The following ACVR1C variants were observed in gnomAD, a reference collection of about 807,000 sequenced individuals.
ACVR1C encodes activin receptor type-1C.
Under a neutral mutation model 57.9 loss-of-function variants are expected in ACVR1C, and 23 were observed. The observed-to-expected ratio is 0.40, with a 90% confidence interval of 0.29 to 0.56. The LOEUF (loss-of-function observed/expected upper bound fraction) is 0.56, where lower values mean the gene tolerates loss of function less well. ACVR1C is among the 20% of genes least tolerant of loss of function. ACVR1C has a pLI of 0.50. For missense variants in ACVR1C, 480 were observed against 607.9 expected (o/e 0.79, Z 2.21); for synonymous variants, 214 against 215.3 (o/e 0.99, Z 0.05).
rs1359420944 is a variant in ACVR1C, at chr2:157,528,549, T to G, written c.*5369A>C. On this transcript the variant is annotated 3_prime_UTR_variant, in exon 9 of 9. Coordinates refer to ENST00000243349, the MANE Select transcript of ACVR1C (RefSeq NM_145259.3). ...TGTTAGGGGAATTTTAAAATAGGGA[T>G]TGTTACCTAATTTTGCTGTAGTATT... 1 of 152,134 alleles carries G rather than the reference T, an allele frequency of 6.6e-6. No homozygotes were observed. The highest frequency in any genetic ancestry group is 1.5e-5 in the Non-Finnish European group (1 of 68,010). 9.4% of individuals were successfully genotyped at this position (152,134 alleles called of 1,614,324 possible). A position where few individuals can be genotyped will look rare whatever the true frequency, so the allele number is the denominator to read the frequency against.
Position 157,528,129 on chromosome 2 carries a change from G to A in ACVR1C, c.*5789C>T, listed in dbSNP as rs1687273473. 1 of 152,068 alleles carries A rather than the reference G, an allele frequency of 6.6e-6. No homozygotes were observed. The highest frequency in any genetic ancestry group is 2.1e-4 in the South Asian group (1 of 4,824). 9.4% of individuals were successfully genotyped at this position (152,068 alleles called of 1,614,324 possible). ...CAGACCATTCTTTAAACACATATAA[G>A]CCAATAAGATGCTTCTCTGTAAAAT... On this transcript the variant is annotated 3_prime_UTR_variant, in exon 9 of 9. Transcript: ENST00000243349.
rs146121930 is a variant in ACVR1C at position 157,532,951 on chromosome 2, G to A, written c.*967C>T. ...TTATGTTTGATTAATCTTTGGAAGT[G>A]TTCAGAAAACATTAATGCTCATTAA... is the stretch of plus-strand genomic sequence containing the variant. On this transcript the variant is annotated 3_prime_UTR_variant, in exon 9 of 9. Transcript: ENST00000243349. 37 of 152,240 alleles carry A rather than the reference G, an allele frequency of 2.4e-4. No individual in the cohort carries two copies. Among genetic ancestry groups the A allele is most frequent in the African/African-American group, 8.4e-4 (35 of 41,558 alleles). The allele number at this position is 152,240 out of a possible 1,614,324, so 9.4% of individuals were successfully genotyped here.
At chr2:157,580,030 G>GAT (rs1688749479) in intron 2 of ACVR1C, among the ~76,000 whole-genome samples, 1 of 149,986 alleles carries the variant, frequency 6.7e-6, no homozygotes, top group Non-Finnish European at 1.5e-5. Context: ...TCTCTCTCAC[G>GAT]CACCCCCTCT....
At chr2:157,554,422 A>AAAGG (rs1048071173) in intron 3 of ACVR1C, among the ~76,000 whole-genome samples, 9 of 151,066 alleles carry the variant, frequency 6.0e-5, no homozygotes, top group African/African-American at 2.0e-4. Flanking sequence ...GGAAGGAGAC[A>AAAGG]AAGGAAGGAA....
At chr2:157,604,751 CTTAATA>C (rs1302960882) in intron 1 of ACVR1C, among the ~76,000 whole-genome samples, 1 of 151,714 alleles carries the variant, frequency 6.6e-6, no homozygotes, top group African/African-American at 2.4e-5. Context: ...GAGTTGTTTC[CTTAATA>C]TTGAGTTCTG....
At chr2:157,570,724 C>G (rs1159481404) in intron 2 of ACVR1C, among the ~76,000 whole-genome samples, 1 of 69,396 alleles carries the variant, frequency 1.4e-5, no homozygotes, top group Non-Finnish European at 3.1e-5. Flanking sequence ...AGGACACAAA[C>G]AAATGGAAGA....
Position 157,587,429 on chromosome 2 carries a change from A to G in ACVR1C, c.74-12T>C, listed in dbSNP as rs1205245099. On this transcript the variant is annotated splice_polypyrimidine_tract_variant and intron_variant, in intron 1 of 8. Coordinates refer to ENST00000243349, the MANE Select transcript of ACVR1C (RefSeq NM_145259.3). ...TACACACTTCAGTCCTGGAAAGAGT[A>G]AGGCAAAAAGATTTAAAATACAAAA... 6 of 1,571,686 alleles carry G rather than the reference A, an allele frequency of 3.8e-6. No individual in the cohort carries two copies. The highest frequency in any genetic ancestry group is 5.3e-6 in the Non-Finnish European group (6 of 1,142,566).
chr2:157,542,200 TATATA>T (rs1298876749), intron 6 of ACVR1C, among the ~76,000 whole-genome samples: 15 of 152,184 alleles, frequency 9.9e-5, no homozygotes, highest in East Asian at 3.8e-4. Context: ...CATAAATTGT[TATATA>T]ATATATTTAA....
chr2:157,608,494 T>TA (rs1682458339), intron 1 of ACVR1C, among the ~76,000 whole-genome samples: 1 of 151,796 alleles, frequency 6.6e-6, no homozygotes, highest in South Asian at 2.1e-4. Context: ...TTGCTGGCCT[T>TA]AAAAAATGAG....
chr2:157,616,456 A>C (rs1052036373), intron 1 of ACVR1C, among the ~76,000 whole-genome samples: 6 of 152,020 alleles, frequency 3.9e-5, no homozygotes, highest in African/African-American at 1.2e-4. Context: ...GTTCATGCAT[A>C]TTTTCCACAT....
At chr2:157,575,347 G>A (rs1323032647) in intron 2 of ACVR1C, among the ~76,000 whole-genome samples, 4 of 152,058 alleles carry the variant, frequency 2.6e-5, no homozygotes, top group Non-Finnish European at 5.9e-5. Flanking sequence ...TGGCCAGGCT[G>A]GTCTCGAACT....
At chr2:157,585,575 T>C (rs1688899233) in intron 2 of ACVR1C, among the ~76,000 whole-genome samples, 1 of 152,090 alleles carries the variant, frequency 6.6e-6, no homozygotes, top group South Asian at 2.1e-4. Flanking sequence ...TGAGGATCAT[T>C]CACTATTGGG....
At chr2:157,608,678 A>C (rs1202770495) in intron 1 of ACVR1C, among the ~76,000 whole-genome samples, 2 of 151,718 alleles carry the variant, frequency 1.3e-5, no homozygotes, top group Non-Finnish European at 3.0e-5. Context: ...TGGTCTGTTC[A>C]GGTTATCTTT....
intron 5 of ACVR1C, 130 bp downstream of exon 5, chr2:157,544,315 G>A (rs1207355182): frequency 1.8e-5 from 16 of 872,358 alleles, no homozygotes; most frequent in African/African-American, 1.8e-5. Context: ...AAAATGCTGG[G>A]ATTATGGGTA....
intron 1 of ACVR1C, among the ~76,000 whole-genome samples, chr2:157,611,383 AG>A (rs1682528428): frequency 2.0e-5 from 3 of 152,316 alleles, no homozygotes; most frequent in Non-Finnish European, 2.9e-5. Flanking sequence ...CAGGAATTCC[AG>A]GTGGGTCGGT....
At chr2:157,614,526 T>C (rs1473350581) in intron 1 of ACVR1C, among the ~76,000 whole-genome samples, 1 of 152,214 alleles carries the variant, frequency 6.6e-6, no homozygotes, top group Non-Finnish European at 1.5e-5. Context: ...TTAGTTAAAA[T>C]TATTTTTTAG....
intron 5 of ACVR1C, among the ~76,000 whole-genome samples, chr2:157,543,282 C>G (rs1321901471): frequency 6.6e-6 from 1 of 152,208 alleles, no homozygotes; most frequent in Non-Finnish European, 1.5e-5. Flanking sequence ...CCTTGCAACT[C>G]TTTTCTAACT....
At chr2:157,608,006 G>T (rs1682444387) in intron 1 of ACVR1C, among the ~76,000 whole-genome samples, 2 of 151,522 alleles carry the variant, frequency 1.3e-5, no homozygotes, top group South Asian at 4.1e-4. Context: ...TGTGGCTGGG[G>T]CTTCCAGTAC....
intron 1 of ACVR1C, among the ~76,000 whole-genome samples, chr2:157,623,764 A>G (rs1682837562): frequency 6.6e-6 from 1 of 152,178 alleles, no homozygotes. Flanking sequence ...TTGTAACTCA[A>G]AGGATAAAAT....
Sources: allele counts gnomAD v4.1 joint callset (sites outside exome capture counted in the v4.1 genomes callset), GRCh38; gene constraint gnomAD v4.1.1; transcripts MANE v1.5; gene names NCBI Gene and HGNC (gene_info 2026-07-23, HGNC 2026-07-21).